The following CDK13 variants were observed in gnomAD, a reference collection of about 807,000 sequenced individuals.
CDK13 encodes cyclin-dependent kinase 13.
In CDK13, 40 loss-of-function variants were observed where a neutral mutation model predicts 137.6. The observed-to-expected ratio is 0.29, with a 90% confidence interval of 0.23 to 0.38. The LOEUF (loss-of-function observed/expected upper bound fraction) is 0.38, where lower values mean the gene tolerates loss of function less well. Among genes scored for constraint, CDK13 ranks in the 10% least tolerant of loss-of-function variants. The pLI is 1.00. For missense variants in CDK13, 1,704 were observed against 1,951.8 expected (o/e 0.87, Z 2.39); for synonymous variants, 869 against 760.1 (o/e 1.14, Z -2.36).
In CDK13 at chr7:40,099,540, C is replaced by A. The variant is rs981848393; in HGVS notation, c.*4560C>A. The A allele has an allele frequency of 6.6e-6, 1 of 151,774 alleles. No individual in the cohort carries two copies. Among genetic ancestry groups the A allele is most frequent in the Non-Finnish European group, 1.5e-5 (1 of 67,964 alleles). 9.4% of individuals were successfully genotyped at this position (151,774 alleles called of 1,614,324 possible). ...TTGTTTTTTACCATTTTTTTAAGGC[C>A]GTATTCAATAGTCTGTAAATAAATT... On this transcript the variant is annotated 3_prime_UTR_variant, in exon 14 of 14. Transcript: ENST00000181839.
chr7:39,982,981 A>G (rs1025252949), intron 1 of CDK13, among the ~76,000 whole-genome samples: 2 of 151,928 alleles, frequency 1.3e-5, no homozygotes, highest in African/African-American at 4.8e-5. Context: ...GTTCACTCTG[A>G]TGGTTGTTTC....
intron 7 of CDK13, chr7:40,062,294 T>TC (rs1196642482): frequency 1.6e-5 from 2 of 124,774 alleles, no homozygotes; most frequent in Non-Finnish European, 3.0e-5. Context: ...GTAAACTACT[T>TC]TTTTTTTTTG....
chr7:40,077,731 C>T (rs1786577077), intron 9 of CDK13, among the ~76,000 whole-genome samples: 1 of 152,100 alleles, frequency 6.6e-6, no homozygotes. Context: ...TGGCGCATGC[C>T]TATAATCCCA....
At chr7:40,000,858 A>C (rs1261459713) in intron 4 of CDK13, among the ~76,000 whole-genome samples, 1 of 152,174 alleles carries the variant, frequency 6.6e-6, no homozygotes, top group Non-Finnish European at 1.5e-5. Flanking sequence ...ACAAACCTTT[A>C]TTATAGTGAA....
rs1246598707 is a variant in CDK13, at chr7:40,094,575, T to A, written c.4134T>A (p.Asp1378Glu). The A allele has an allele frequency of 6.2e-7, 1 of 1,612,302 alleles. No homozygotes were observed. Among genetic ancestry groups the A allele is most frequent in the East Asian group, 2.2e-5 (1 of 44,896 alleles). The change falls in exon 14 of 14, where the codon GAT becomes GAA. Residue 1378 changes from aspartate (D) to glutamate (E), a missense_variant. Around this residue, in one of 5 missense-constraint regions of CDK13, gnomAD observed 475 missense variants for 579.3 expected, o/e 0.82. Transcript: ENST00000181839. ...GAAATTCAGATATTCAGTCTTTGGATAACTACAGTACTGCTTCATCTCATT... is the reference window on the plus strand; with the variant it reads ...GAAATTCAGATATTCAGTCTTTGGAAAACTACAGTACTGCTTCATCTCATT... ...FIGNSDIQSLDNYSTASSHSG... is the reference protein window; with the variant it reads ...FIGNSDIQSLENYSTASSHSG...
At chr7:40,016,135 TA>T (rs1785000457) in intron 5 of CDK13, among the ~76,000 whole-genome samples, 1 of 152,214 alleles carries the variant, frequency 6.6e-6, no homozygotes, top group Non-Finnish European at 1.5e-5. Flanking sequence ...CACATTAAGC[TA>T]AAAGATACTT....
At chr7:40,053,925 T>C (rs1466144122) in intron 7 of CDK13, among the ~76,000 whole-genome samples, 2 of 152,180 alleles carry the variant, frequency 1.3e-5, no homozygotes, top group Non-Finnish European at 2.9e-5. Flanking sequence ...TTACAGAAGT[T>C]TAGAAAATTT....
chr7:40,055,078 C>A, intron 7 of CDK13, among the ~76,000 whole-genome samples: 1 of 151,528 alleles, frequency 6.6e-6, no homozygotes, highest in East Asian at 1.9e-4. Context: ...TGGGTCTTTA[C>A]AAAGTTTAGT....
intron 5 of CDK13, among the ~76,000 whole-genome samples, chr7:40,016,295 A>G (rs1256235350): frequency 1.3e-5 from 2 of 152,130 alleles, no homozygotes; most frequent in Non-Finnish European, 2.9e-5. Flanking sequence ...CAAATTATTT[A>G]TTGTCTCTGA....
intron 5 of CDK13, among the ~76,000 whole-genome samples, chr7:40,020,223 A>G (rs2116394545): frequency 6.6e-6 from 1 of 152,096 alleles, no homozygotes; most frequent in African/African-American, 2.4e-5. Context: ...GCATGCCACC[A>G]TGCCCAGCTA....
chr7:40,028,418 C>G (rs954433030), intron 5 of CDK13, among the ~76,000 whole-genome samples: 1 of 151,908 alleles, frequency 6.6e-6, no homozygotes, highest in East Asian at 1.9e-4. Flanking sequence ...CGAGGTTTCA[C>G]CATGTTGGCC....
intron 9 of CDK13, among the ~76,000 whole-genome samples, chr7:40,064,284 C>CAAA (rs1388646828): frequency 1.1e-3 from 68 of 59,744 alleles, no homozygotes; most frequent in African/African-American, 2.7e-3. Flanking sequence ...AATTATGTCT[C>CAAA]AAAAAAAAAA....
At chr7:40,066,857 A>C (rs1786290752) in intron 9 of CDK13, 2 of 152,174 alleles carry the variant, frequency 1.3e-5, no homozygotes, top group Admixed American at 1.3e-4. Context: ...ATAAACTTTC[A>C]GTTAAAATAA....
chr7:40,040,725 A>G (rs551541681), intron 5 of CDK13, among the ~76,000 whole-genome samples: 1 of 152,266 alleles, frequency 6.6e-6, no homozygotes, highest in Non-Finnish European at 1.5e-5. Context: ...TAATTAATTG[A>G]TTAGCTATTA....
chr7:40,002,119 G>C (rs1784695867), intron 5 of CDK13, 88 bp downstream of exon 5: 2 of 815,288 alleles, frequency 2.5e-6, no homozygotes, highest in Middle Eastern at 3.3e-4. Flanking sequence ...GTGACTATTT[G>C]AGTAATTACA....
At chr7:39,967,715 A>G (rs1046248235) in intron 1 of CDK13, among the ~76,000 whole-genome samples, 1 of 152,134 alleles carries the variant, frequency 6.6e-6, no homozygotes, top group African/African-American at 2.4e-5. Flanking sequence ...GCAGTGCACA[A>G]GGGTCTCCTT....
chr7:39,987,359 G>A lies in CDK13; in HGVS notation c.1212-240G>A, dbSNP rs555726593. ...GCAGTGATGCCTTGTCACATTTTTC[G>A]TCCTAATTTTTACATTTGTAGACCA... On this transcript the variant is annotated intron_variant, in intron 1 of 13. Coordinates refer to ENST00000181839, the MANE Select transcript of CDK13 (RefSeq NM_003718.5). Among the ~76,000 whole-genome samples, 7 of 152,018 alleles carry A rather than the reference G, an allele frequency of 4.6e-5. No homozygotes were observed. In the East Asian group the frequency reaches 5.8e-4, roughly 13 times the overall value.
intron 9 of CDK13, 23 bp downstream of exon 9, chr7:40,063,123 G>A: frequency 6.5e-7 from 1 of 1,541,312 alleles, no homozygotes; most frequent in Non-Finnish European, 9.0e-7. Flanking sequence ...TTATAATATT[G>A]GTGGGAATTG....
rs1271960244 is a variant in CDK13 at position 40,000,112 on chromosome 7, A to ATG, written c.2182+613_2182+614dup. ...ACCAATAGGCCGGGCGTGATTGCTC[A>ATG]TGCCTATAATCCTAGCACTTTGGGA... On this transcript the variant is annotated intron_variant, in intron 4 of 13. Transcript: ENST00000181839. Among the ~76,000 whole-genome samples the ATG allele has an allele frequency of 5.6e-5, 8 of 141,946 alleles. No individual in the cohort carries two copies. In the East Asian group the frequency reaches 7.7e-4, roughly 14 times the overall value. The allele number at this position is 141,946 out of a possible 152,430, so 93.1% of individuals were successfully genotyped here.
Sources: allele counts gnomAD v4.1 joint callset (sites outside exome capture counted in the v4.1 genomes callset), GRCh38; gene constraint gnomAD v4.1.1; regional missense constraint gnomAD v4.1.1; transcripts MANE v1.5; gene names NCBI Gene and HGNC (gene_info 2026-07-23, HGNC 2026-07-21).